Variants in PRG4 observed in about 807,000 individuals in gnomAD.
PRG4 encodes the protein articular superficial zone protein.
Under a neutral mutation model 91.2 loss-of-function variants are expected in PRG4, and 61 were observed. The ratio of observed to expected loss-of-function variants is 0.67; its 90% CI spans 0.54 to 0.83. The LOEUF (loss-of-function observed/expected upper bound fraction) is 0.83. PRG4 is among the 40% of genes least tolerant of loss of function. PRG4 has a pLI of 0.00. For synonymous variants in PRG4, 576 were observed against 614.2 expected, an observed-to-expected ratio of 0.94 and a Z score of 0.92; for missense variants, 1,564 against 1,714.2, an observed-to-expected ratio of 0.91 and a Z score of 1.55.
chr1:186,296,855 C>G lies in PRG4; in HGVS notation c.-21C>G. 1.2e-6 allele frequency: 2 copies of G among 1,600,612 alleles called. No individual in the cohort carries two copies. The highest frequency in any genetic ancestry group is 1.3e-5 in the African/African-American group (1 of 74,692). On this transcript the variant is annotated 5_prime_UTR_variant, in exon 2 of 13. Transcript: ENST00000445192. The stretch of plus-strand genomic sequence containing the variant: ...TTTATTTTATTTTCAGCAAGGGTAC[C>G]TACGGTACCTGAAAACAACGATGGC...
At chr1:186,297,479 T>C (rs1306255269) in intron 2 of PRG4, among the ~76,000 whole-genome samples, 1 of 152,216 alleles carries the variant, frequency 6.6e-6, no homozygotes, top group African/African-American at 2.4e-5. Context: ...TTTATCCAGG[T>C]ATGGACATAT....
Position 186,314,351 on chromosome 1 carries a change from A to G in PRG4, c.*573A>G. 1 of 355,344 alleles carries G rather than the reference A, an allele frequency of 2.8e-6. No individual in the cohort carries two copies. The highest frequency in any genetic ancestry group is 5.9e-5 in the South Asian group (1 of 17,078). The allele number at this position is 355,344 out of a possible 1,614,324, so 22.0% of individuals were successfully genotyped here. On this transcript the variant is annotated 3_prime_UTR_variant, in exon 13 of 13. Coordinates refer to ENST00000445192, the MANE Select transcript of PRG4 (RefSeq NM_005807.6). ...AGGTAGAGATACAACAAATGAATATAACACTATAACACTTCATATTTTCCA... is the reference window on the plus strand; with the variant it reads ...AGGTAGAGATACAACAAATGAATATGACACTATAACACTTCATATTTTCCA...
chr1:186,300,123 G>T lies in PRG4; in HGVS notation c.109G>T (p.Gly37Trp). Reference sequence around the variant, plus strand: ...AAGCTGTGCAGGGAGATGTGGGGAAGGGTATTCTAGAGATGCCACCTGCAA... The same window carrying T: ...AAGCTGTGCAGGGAGATGTGGGGAATGGTATTCTAGAGATGCCACCTGCAA... ...LSSCAGRCGE[G>W]YSRDATCNCD... The change falls in exon 3 of 13, where the codon GGG becomes TGG. Residue 37 changes from glycine (G) to tryptophan (W), a missense_variant. Around this residue, in one of 3 missense-constraint regions of PRG4, gnomAD observed 437 missense variants for 459.0 expected, o/e 0.95. Coordinates refer to ENST00000445192, the MANE Select transcript of PRG4 (RefSeq NM_005807.6). 1 of 1,613,972 alleles carries T rather than the reference G, an allele frequency of 6.2e-7. No individual in the cohort carries two copies. Among genetic ancestry groups the T allele is most frequent in the Non-Finnish European group, 8.5e-7 (1 of 1,179,808 alleles).
At chr1:186,310,657 ATTTTTTTTTGTATTTT>A (rs1427956174) in intron 8 of PRG4, among the ~76,000 whole-genome samples, 1 of 135,880 alleles carries the variant, frequency 7.4e-6, no homozygotes, top group Non-Finnish European at 1.6e-5. Context: ...TAATTTTTGT[ATTTTTTTTTGTATTTT>A]TTTTTTTTTG....
chr1:186,300,238 C>T, intron 3 of PRG4, 25 bp downstream of exon 3: 4 of 1,613,390 alleles, frequency 2.5e-6, no homozygotes, highest in Non-Finnish European at 3.4e-6. Context: ...CGGGTGTCTC[C>T]TCTGTCAAGC....
Position 186,307,067 on chromosome 1 carries a change from G to T in PRG4, c.1348G>T (p.Glu450Ter). 6.5e-7 allele frequency: 1 copy of T among 1,532,580 alleles called. No individual in the cohort carries two copies. Among genetic ancestry groups the T allele is most frequent in the Non-Finnish European group, 8.7e-7 (1 of 1,143,206 alleles). 94.9% of individuals were successfully genotyped at this position (1,532,580 alleles called of 1,614,324 possible). A position where few individuals can be genotyped will look rare whatever the true frequency, so the allele number is the denominator to read the frequency against. ...GAAGCCTGCCCCAACTACCCCCAAG[G>T]AGCCTGCACCCACCACTCCCAAGGA... Reference protein sequence around the residue: ...PKKPAPTTPKEPAPTTPKEPT... With the variant: ...PKKPAPTTPK Residue 450 changes from glutamate (E) to a stop codon, truncating the protein, a stop_gained, in exon 7 of 13, where the codon GAG (glutamate) becomes TAG (stop). Coordinates refer to ENST00000445192, the MANE Select transcript of PRG4 (RefSeq NM_005807.6). LOFTEE classifies it high-confidence loss of function.
Position 186,307,965 on chromosome 1 carries a change from C to T in PRG4, c.2246C>T (p.Pro749Leu). The T allele has an allele frequency of 6.2e-7, 1 of 1,609,282 alleles. No individual in the cohort carries two copies. Among genetic ancestry groups the T allele is most frequent in the Non-Finnish European group, 8.5e-7 (1 of 1,178,832 alleles). Residue 749 changes from proline (P) to leucine (L), a missense_variant, in exon 7 of 13, where the codon CCC becomes CTC. Coordinates refer to ENST00000445192, the MANE Select transcript of PRG4 (RefSeq NM_005807.6). Reference sequence around the variant, plus strand: ...CCCACATCCACCACCTCTGACAAGCCCGCTCCAACTACCCCTAAGGGGACT... The same window carrying T: ...CCCACATCCACCACCTCTGACAAGCTCGCTCCAACTACCCCTAAGGGGACT... ...KEPTSTTSDK[P>L]APTTPKGTAP...
In PRG4 at chr1:186,300,164, T is replaced by C; in HGVS notation, c.150T>C (p.Cys50=). The C allele has an allele frequency of 6.2e-7, 1 of 1,614,204 alleles. No individual in the cohort carries two copies. The highest frequency in any genetic ancestry group is 2.2e-5 in the East Asian group (1 of 44,888). The change falls in exon 3 of 13, where the codon TGT becomes TGC. Residue 50 remains cysteine, a synonymous_variant. Transcript: ENST00000445192. ...CCACCTGCAACTGTGATTATAACTG[T>C]CAACACTACATGGAGTGCTGCCCTG... The part of the protein sequence containing the change: ...RDATCNCDYN[C]QHYMECCPDF...
At position 186,307,088 on chromosome 1, in the gene PRG4, AAGG is replaced by A. The variant is rs1274257112; in HGVS notation, c.1372_1374del (p.Glu458del). The A allele has an allele frequency of 1.3e-6, 2 of 1,571,864 alleles. No individual in the cohort carries two copies. The highest frequency in any genetic ancestry group is 1.8e-5 in the Admixed American group (1 of 56,570). Reference sequence around the variant, plus strand: ...CAAGGAGCCTGCACCCACCACTCCCAAGGAGCCTACACCCACCACTCCCAAGGA... The same window carrying A: ...CAAGGAGCCTGCACCCACCACTCCCAAGCCTACACCCACCACTCCCAAGGA... On this transcript the variant is annotated inframe_deletion, in exon 7 of 13. Coordinates refer to ENST00000445192, the MANE Select transcript of PRG4 (RefSeq NM_005807.6).
Position 186,313,996 on chromosome 1 carries a change from C to T in PRG4, c.*218C>T. On this transcript the variant is annotated 3_prime_UTR_variant, in exon 13 of 13. Coordinates refer to ENST00000445192, the MANE Select transcript of PRG4 (RefSeq NM_005807.6). Reference sequence around the variant, plus strand: ...TTAATTAATATTTCCTCTGTTTATTCCTCCTCTCCCTCCCATTGCATGGCT... The same window carrying T: ...TTAATTAATATTTCCTCTGTTTATTTCTCCTCTCCCTCCCATTGCATGGCT... 6.2e-7 allele frequency: 1 copy of T among 1,611,324 alleles called. No homozygotes were observed. The highest frequency in any genetic ancestry group is 8.5e-7 in the Non-Finnish European group (1 of 1,179,090).
chr1:186,313,110 G>A (rs976493865), intron 12 of PRG4: 9 of 554,198 alleles, frequency 1.6e-5, no homozygotes, highest in Admixed American at 9.2e-5. Context: ...ATGAGATTAC[G>A]ATAAAACATC....
chr1:186,299,483 A>AT (rs1656063549), intron 2 of PRG4, among the ~76,000 whole-genome samples: 1 of 152,242 alleles, frequency 6.6e-6, no homozygotes, highest in East Asian at 1.9e-4. Flanking sequence ...CAAATTCTGG[A>AT]TGGATTGTTT....
intron 6 of PRG4, 121 bp downstream of exon 6, chr1:186,305,043 G>A (rs2273777): frequency 0.17 from 186,833 of 1,125,122 alleles, 16,828 homozygotes; most frequent in African/African-American, 0.28. Context: ...ATAACTTTAT[G>A]AATATTATCT....
chr1:186,313,389 C>T, intron 12 of PRG4: 1 of 371,706 alleles, frequency 2.7e-6, no homozygotes, highest in East Asian at 4.6e-5. Context: ...AAAGGAATAA[C>T]CCCAAGTAAA....
Position 186,307,793 on chromosome 1 carries a change from A to T in PRG4, c.2074A>T (p.Thr692Ser). The change falls in exon 7 of 13, where the codon ACC becomes TCC. Residue 692 changes from threonine to serine, a missense_variant. Around this residue, in one of 3 missense-constraint regions of PRG4, gnomAD observed 1,079 missense variants for 1,162.2 expected, o/e 0.93. Transcript: ENST00000445192. ...TACCCCTAAGGAGCCTGCTCCAACT[A>T]CCCCTAAGGAGCCTGCTCCAACTAC... ...PTTPKEPAPT[T>S]PKEPAPTTPK... The T allele has an allele frequency of 6.2e-7, 1 of 1,610,778 alleles. No individual in the cohort carries two copies. The highest frequency in any genetic ancestry group is 8.5e-7 in the Non-Finnish European group (1 of 1,179,400).
rs777305605 is a variant in PRG4, at chr1:186,308,232, C to A, written c.2513C>A (p.Thr838Asn). Reference protein sequence around the residue: ...PTTPKEPAPTTPKKPAPTTPE... With the variant: ...PTTPKEPAPTNPKKPAPTTPE... ...ACCCCCAAGGAGCCTGCACCCACTA[C>A]CCCCAAGAAGCCTGCTCCAACTACT... The change falls in exon 7 of 13, where the codon ACC (threonine) becomes AAC (asparagine). Residue 838 changes from threonine (T) to asparagine (N), a missense_variant. By Grantham distance (65) the Thr-to-Asn change is moderately conservative. Coordinates refer to ENST00000445192, the MANE Select transcript of PRG4 (RefSeq NM_005807.6). 6.2e-7 allele frequency: 1 copy of A among 1,613,882 alleles called. No individual in the cohort carries two copies. The highest frequency in any genetic ancestry group is 8.5e-7 in the Non-Finnish European group (1 of 1,179,984).
At position 186,308,699 on chromosome 1, in the gene PRG4, A is replaced by G; in HGVS notation, c.2980A>G (p.Thr994Ala). The G allele has an allele frequency of 1.2e-6, 2 of 1,612,724 alleles. No homozygotes were observed. Among genetic ancestry groups the G allele is most frequent in the Non-Finnish European group, 1.7e-6 (2 of 1,179,758 alleles). Residue 994 changes from threonine to alanine, a missense_variant, in exon 7 of 13, where the codon ACC (threonine) becomes GCC (alanine). Around this residue, in one of 3 missense-constraint regions of PRG4, gnomAD observed 1,079 missense variants for 1,162.2 expected, o/e 0.93. Transcript: ENST00000445192. ...AACTACAACAAAAAAGACAATTACT[A>G]CCACTGAGATTATGAACAAACCTGA... ...KVTTTKKTIT[T>A]TEIMNKPEET...
At position 186,306,401 on chromosome 1, in the gene PRG4, A is replaced by T; in HGVS notation, c.682A>T (p.Asn228Tyr). Residue 228 changes from asparagine (N) to tyrosine (Y), a missense_variant, in exon 7 of 13, where the codon AAT becomes TAT. Around this residue, in one of 3 missense-constraint regions of PRG4, gnomAD observed 437 missense variants for 459.0 expected, o/e 0.95. Transcript: ENST00000445192. ...AGATGAAGCTGGAAGTGGATTGGACAATGGTGACTTCAAGGTCACAACTCC... is the reference window on the plus strand; with the variant it reads ...AGATGAAGCTGGAAGTGGATTGGACTATGGTGACTTCAAGGTCACAACTCC... ...VVDEAGSGLD[N>Y]GDFKVTTPDT... 6.2e-7 allele frequency: 1 copy of T among 1,613,414 alleles called. No individual in the cohort carries two copies. Among genetic ancestry groups the T allele is most frequent in the South Asian group, 1.1e-5 (1 of 91,078 alleles).
At position 186,312,157 on chromosome 1, in the gene PRG4, T is replaced by C. The variant is rs918794884; in HGVS notation, c.3794-18T>C. 2 of 1,608,296 alleles carry C rather than the reference T, an allele frequency of 1.2e-6. No homozygotes were observed. Among genetic ancestry groups the C allele is most frequent in the African/African-American group, 2.7e-5 (2 of 74,762 alleles). ...AAATTAATTTTCATTTTCCATGTGA[T>C]ATTCTAATACATAACAGGTGGCAGC... On this transcript the variant is annotated intron_variant, in intron 10 of 12. Coordinates refer to ENST00000445192, the MANE Select transcript of PRG4 (RefSeq NM_005807.6).
Sources: gnomAD v4.1 joint callset for allele counts (sites outside exome capture counted in the v4.1 genomes callset) on GRCh38, gnomAD v4.1.1 for gene constraint, gnomAD v4.1.1 regional missense constraint, MANE v1.5 for transcripts, NCBI Gene and HGNC (gene_info 2026-07-23, HGNC 2026-07-21) for gene names.